NTN1: variants seen among roughly 807,000 people sequenced by gnomAD.
NTN1 encodes netrin-1.
A neutral mutation model predicts 54.2 loss-of-function variants in NTN1; 11 were observed. The ratio of observed to expected loss-of-function variants is 0.20; its 90% CI spans 0.13 to 0.34. The LOEUF (loss-of-function observed/expected upper bound fraction) is 0.34. Among genes scored for constraint, NTN1 ranks in the 10% least tolerant of loss-of-function variants. The pLI is 1.00. For missense variants in NTN1, 740 were observed against 893.1 expected, an observed-to-expected ratio of 0.83 and a Z score of 2.18; for synonymous variants, 371 against 382.0, an observed-to-expected ratio of 0.97 and a Z score of 0.33.
intron 2 of NTN1, among the ~76,000 whole-genome samples, chr17:9,067,783 G>A (rs1301781654): frequency 2.6e-5 from 4 of 152,180 alleles, no homozygotes. Flanking sequence ...CCCTCAACAG[G>A]TGACTCAGGG....
chr17:9,172,544 G>A (rs1046049962), intron 3 of NTN1, among the ~76,000 whole-genome samples: 1 of 152,118 alleles, frequency 6.6e-6, no homozygotes, highest in Non-Finnish European at 1.5e-5. Flanking sequence ...CACATCCCAC[G>A]TCTGATGGAG....
At chr17:9,104,750 C>T (rs928544949) in intron 2 of NTN1, among the ~76,000 whole-genome samples, 3 of 152,184 alleles carry the variant, frequency 2.0e-5, no homozygotes, top group East Asian at 3.8e-4. Flanking sequence ...ACAGCTTTCC[C>T]GTCAGGTCCT....
intron 2 of NTN1, among the ~76,000 whole-genome samples, chr17:9,158,026 G>A (rs1166407233): frequency 2.0e-5 from 3 of 152,210 alleles, no homozygotes; most frequent in Admixed American, 6.5e-5. Flanking sequence ...GATGTGAGCT[G>A]CTTTGCCCAA....
chr17:9,159,601 A>G (rs1280628048), intron 2 of NTN1, among the ~76,000 whole-genome samples: 1 of 152,090 alleles, frequency 6.6e-6, no homozygotes, highest in Non-Finnish European at 1.5e-5. Context: ...GGAGTTTGAG[A>G]CCAGTCTGGC....
intron 2 of NTN1, among the ~76,000 whole-genome samples, chr17:9,035,564 A>G (rs576155528): frequency 6.6e-6 from 1 of 152,126 alleles, no homozygotes. Context: ...GGGTTTGGGC[A>G]TCTGTTCAAT....
intron 2 of NTN1, among the ~76,000 whole-genome samples, chr17:9,093,943 C>T (rs551102446): frequency 6.6e-6 from 1 of 152,186 alleles, no homozygotes; most frequent in African/African-American, 2.4e-5. Context: ...CACTGCACTC[C>T]AGCCTGGGTG....
chr17:9,008,692 T>C, the NTN1 span, among the ~76,000 whole-genome samples: 1 of 152,216 alleles, frequency 6.6e-6, no homozygotes, highest in African/African-American at 2.4e-5. Flanking sequence ...TATGGTTTTT[T>C]ACTCAATACT....
At chr17:9,210,243 A>G (rs942951337) in intron 5 of NTN1, among the ~76,000 whole-genome samples, 2 of 151,930 alleles carry the variant, frequency 1.3e-5, no homozygotes, top group African/African-American at 4.8e-5. Context: ...CTCTTCCCTC[A>G]GACCTTCCTG....
intron 3 of NTN1, among the ~76,000 whole-genome samples, chr17:9,169,635 C>T (rs1043136237): frequency 3.9e-5 from 6 of 152,158 alleles, no homozygotes; most frequent in Non-Finnish European, 8.8e-5. Context: ...GAGGCTGAGG[C>T]GGGTGGATCA....
At chr17:9,188,908 T>C (rs1260870926) in intron 5 of NTN1, among the ~76,000 whole-genome samples, 1 of 152,128 alleles carries the variant, frequency 6.6e-6, no homozygotes, top group Non-Finnish European at 1.5e-5. Flanking sequence ...GGCCCAGTAA[T>C]TGACCAAGGC....
At position 9,145,916 on chromosome 17, in the gene NTN1, C is replaced by CAAA. The variant is rs60504172; in HGVS notation, c.1019-16876_1019-16874dup. Among the ~76,000 whole-genome samples the CAAA allele has an allele frequency of 9.4e-4, 84 of 88,968 alleles. 1 individual carries two copies. Among genetic ancestry groups the CAAA allele is most frequent in the African/African-American group, 3.1e-3 (71 of 23,218 alleles). 58.4% of individuals were successfully genotyped at this position (88,968 alleles called of 152,430 possible). ...TGGGCGACAGAGCAAGACTCCATCT[C>CAAA]AAAAAAAAAAAAAAAAAAAAAAAGT... On this transcript the variant is annotated intron_variant, in intron 2 of 6. Coordinates refer to ENST00000173229, the MANE Select transcript of NTN1 (RefSeq NM_004822.3).
At chr17:9,191,943 G>A (rs1461317886) in intron 5 of NTN1, among the ~76,000 whole-genome samples, 1 of 150,622 alleles carries the variant, frequency 6.6e-6, no homozygotes, top group Non-Finnish European at 1.5e-5. Flanking sequence ...CCACTGCACG[G>A]CAGCGTGGGT....
chr17:9,173,668 G>C (rs1242686269), intron 3 of NTN1: 1 of 152,404 alleles, frequency 6.6e-6, no homozygotes, highest in Non-Finnish European at 1.5e-5. Context: ...CCCCAGCCCA[G>C]GAGGGCCACA....
chr17:9,140,335 T>A (rs150963840), intron 2 of NTN1, among the ~76,000 whole-genome samples: 3 of 152,286 alleles, frequency 2.0e-5, no homozygotes, highest in Non-Finnish European at 4.4e-5. Context: ...CCTGCCCTGG[T>A]GCTGTGGCAG....
Position 9,086,300 on chromosome 17 carries a change from C to T in NTN1, c.1018+62909C>T, listed in dbSNP as rs370548804. Among the ~76,000 whole-genome samples the T allele has an allele frequency of 3.6e-4, 55 of 152,202 alleles. No homozygotes were observed. The South Asian group carries it at 8.3e-3, about 23-fold the overall frequency. ...GGAGGATTACTTGAGCCCAGGAGTT[C>T]GAGTCCAGCAGTTTGGGTAACATAG... On this transcript the variant is annotated intron_variant, in intron 2 of 6. Coordinates refer to ENST00000173229, the MANE Select transcript of NTN1 (RefSeq NM_004822.3).
intron 3 of NTN1, among the ~76,000 whole-genome samples, chr17:9,167,498 A>G (rs1036419728): frequency 6.6e-6 from 1 of 152,158 alleles, no homozygotes; most frequent in South Asian, 2.1e-4. Flanking sequence ...CAGCATCCCC[A>G]TACAAAGGGC....
At chr17:9,195,731 G>T (rs573548471) in intron 5 of NTN1, among the ~76,000 whole-genome samples, 1 of 152,154 alleles carries the variant, frequency 6.6e-6, no homozygotes, top group African/African-American at 2.4e-5. Flanking sequence ...AGACTCTCCT[G>T]CCCCTATTGC....
chr17:9,120,491 C>G (rs1210856871), intron 2 of NTN1, among the ~76,000 whole-genome samples: 1 of 152,202 alleles, frequency 6.6e-6, no homozygotes, highest in Non-Finnish European at 1.5e-5. Flanking sequence ...TAGTCCCCTA[C>G]TTGGGGAGAG....
chr17:9,217,147 C>T (rs1364588783), intron 5 of NTN1, among the ~76,000 whole-genome samples: 1 of 152,128 alleles, frequency 6.6e-6, no homozygotes, highest in Non-Finnish European at 1.5e-5. Flanking sequence ...AGGGATCGTC[C>T]CCACTGCCCC....
Sources: allele counts gnomAD v4.1 joint callset (sites outside exome capture counted in the v4.1 genomes callset), GRCh38; gene constraint gnomAD v4.1.1; transcripts MANE v1.5; gene names NCBI Gene and HGNC (gene_info 2026-07-23, HGNC 2026-07-21).